The following ABCB11 variants were observed in gnomAD, a reference collection of about 807,000 sequenced individuals.
ABCB11 encodes ATP binding cassette subfamily B member 11, also known as bile salt export pump.
In ABCB11, 95 loss-of-function variants were observed where a neutral mutation model predicts 148.0. That is an observed-to-expected ratio of 0.64 (90% CI 0.54 to 0.76). ABCB11 has a LOEUF of 0.76. Ranked by LOEUF, ABCB11 falls within the 30% of genes least tolerant of loss-of-function variation. The pLI is 0.00. For synonymous variants in ABCB11, 591 were observed against 555.4 expected (o/e 1.06, Z -0.90); for missense variants, 1,523 against 1,617.8 (o/e 0.94, Z 1.01).
At chr2:168,928,477 A>C (rs6433096) in intron 25 of ABCB11, among the ~76,000 whole-genome samples, 1 of 152,140 alleles carries the variant, frequency 6.6e-6, no homozygotes, top group Non-Finnish European at 1.5e-5. Context: ...AAAAAAAAAC[A>C]TAAAAAGTGG....
intron 6 of ABCB11, among the ~76,000 whole-genome samples, chr2:168,996,046 T>C (rs1046214746): frequency 2.7e-5 from 4 of 149,748 alleles, no homozygotes; most frequent in African/African-American, 7.4e-5. Context: ...AAATGATTCA[T>C]TTCTCTTTAC....
At chr2:168,989,123 G>A (rs1183867963) in intron 9 of ABCB11, among the ~76,000 whole-genome samples, 1 of 151,918 alleles carries the variant, frequency 6.6e-6, no homozygotes, top group Non-Finnish European at 1.5e-5. Flanking sequence ...AAGCTTTTTA[G>A]TTTGATGTAA....
In ABCB11 at chr2:169,016,765, A is replaced by C; in HGVS notation, c.98+13T>G. ...CTAGAAAAGATGCTGCATTGTTGAA[A>C]TCAGTCACTTACCTTGATTTCTTAT... On this transcript the variant is annotated intron_variant, in intron 3 of 27. Coordinates refer to ENST00000650372, the MANE Select transcript of ABCB11 (RefSeq NM_003742.4). The C allele has an allele frequency of 6.3e-7, 1 of 1,596,756 alleles. No individual in the cohort carries two copies. The highest frequency in any genetic ancestry group is 8.6e-7 in the Non-Finnish European group (1 of 1,168,952).
rs760220974 is a variant in ABCB11, at chr2:168,958,118, A to G, written c.2189T>C (p.Ile730Thr). 1 of 1,610,934 alleles carries G rather than the reference A, an allele frequency of 6.2e-7. No individual in the cohort carries two copies. The highest frequency in any genetic ancestry group is 1.7e-5 in the Admixed American group (1 of 59,786). The change falls in exon 19 of 28, where the codon ATT becomes ACT. Residue 730 changes from isoleucine (I) to threonine (T), a missense_variant. By Grantham distance (89) the Ile-to-Thr change is moderately conservative (BLOSUM62 -1). Coordinates refer to ENST00000650372, the MANE Select transcript of ABCB11 (RefSeq NM_003742.4). ...TYEEDRKDKDIPVQEEVEPAP... is the reference protein window; with the variant it reads ...TYEEDRKDKDTPVQEEVEPAP... ...AGGTTCAACTTCTTCCTGCACAGGA[A>G]TGTCCTTGTCCTTGAGCAGAGAGAG... is the stretch of plus-strand genomic sequence containing the variant.
At chr2:169,005,076 G>C (rs569480183) in intron 5 of ABCB11, among the ~76,000 whole-genome samples, 2 of 152,038 alleles carry the variant, frequency 1.3e-5, no homozygotes, top group Non-Finnish European at 2.9e-5. Context: ...AGTGGGCTCC[G>C]TGAAGGTCCT....
chr2:168,968,639 G>A, intron 16 of ABCB11, 149 bp from the exon 17 acceptor site: 5 of 668,866 alleles, frequency 7.5e-6, no homozygotes, highest in Admixed American at 3.1e-5. Context: ...ATAAAACTCG[G>A]GACTTGTCCT....
intron 19 of ABCB11, among the ~76,000 whole-genome samples, chr2:168,947,002 T>C (rs1692352702): frequency 6.6e-6 from 1 of 151,856 alleles, no homozygotes; most frequent in African/African-American, 2.4e-5. Flanking sequence ...TGTATATTCT[T>C]ATTGTTGAAA....
rs184208575 is a variant in ABCB11, at chr2:169,009,730, A to T, written c.389+3542T>A. Among the ~76,000 whole-genome samples the T allele has an allele frequency of 7.2e-4, 110 of 152,010 alleles. 1 individual carries two copies. The East Asian group carries it at 0.015, about 21-fold the overall frequency. On this transcript the variant is annotated intron_variant, in intron 5 of 27. Transcript: ENST00000650372. ...GTACCCTAAAACTTAAAGTATAATT[A>T]AAAAAAAGGAAAAAAAAGAAAATGT...
intron 6 of ABCB11, among the ~76,000 whole-genome samples, chr2:168,996,070 T>C (rs563673699): frequency 2.2e-4 from 33 of 151,114 alleles, no homozygotes; most frequent in Non-Finnish European, 4.4e-4. Flanking sequence ...CAGCACTGTG[T>C]GGAATTCTTG....
At chr2:168,930,056 A>G (rs544492842) in intron 25 of ABCB11, among the ~76,000 whole-genome samples, 1 of 152,242 alleles carries the variant, frequency 6.6e-6, no homozygotes, top group Admixed American at 6.5e-5. Context: ...TTATTATTTG[A>G]TTTTGTGACC....
At chr2:168,924,916 G>A (rs772366490) in intron 26 of ABCB11, 113 bp from the exon 27 acceptor site, 30 of 832,150 alleles carry the variant, frequency 3.6e-5, no homozygotes, top group Non-Finnish European at 5.1e-5. Flanking sequence ...GTTGAACTAG[G>A]GAACAGTGAG....
rs768261137 is a variant in ABCB11, at chr2:168,958,122, C to G, written c.2185G>C (p.Asp729His). 2 of 1,610,730 alleles carry G rather than the reference C, an allele frequency of 1.2e-6. No individual in the cohort carries two copies. Among genetic ancestry groups the G allele is most frequent in the Non-Finnish European group, 1.7e-6 (2 of 1,177,882 alleles). ...TCAACTTCTTCCTGCACAGGAATGT[C>G]CTTGTCCTTGAGCAGAGAGAGGGTT... ...STYEEDRKDK[D>H]IPVQEEVEPA... Residue 729 changes from aspartate (D) to histidine (H), a missense_variant, in exon 19 of 28, where the codon GAC (aspartate) becomes CAC (histidine). Coordinates refer to ENST00000650372, the MANE Select transcript of ABCB11 (RefSeq NM_003742.4).
chr2:168,948,889 AT>A (rs1043911500), intron 19 of ABCB11, among the ~76,000 whole-genome samples: 3 of 151,656 alleles, frequency 2.0e-5, no homozygotes, highest in African/African-American at 7.3e-5. Context: ...TTTGTGGATT[AT>A]CCAGGTTTTT....
chr2:168,938,816 T>C (rs1452090536), intron 21 of ABCB11, among the ~76,000 whole-genome samples: 1 of 152,114 alleles, frequency 6.6e-6, no homozygotes, highest in East Asian at 1.9e-4. Flanking sequence ...TTTTACATTT[T>C]ATTCAATTGG....
At position 168,930,660 on chromosome 2, in the gene ABCB11, C is replaced by A; in HGVS notation, c.3411+5G>T. 6.6e-7 allele frequency: 1 copy of A among 1,509,230 alleles called. No homozygotes were observed. Among genetic ancestry groups the A allele is most frequent in the Non-Finnish European group, 8.9e-7 (1 of 1,121,398 alleles). 93.5% of individuals were successfully genotyped at this position (1,509,230 alleles called of 1,614,324 possible). Reference sequence around the variant, plus strand: ...CAAAATTCTCAAAAAGGTTGCGTGGCTTACCACCTTCCCTTGATCAGGATC... The same window carrying A: ...CAAAATTCTCAAAAAGGTTGCGTGGATTACCACCTTCCCTTGATCAGGATC... On this transcript the variant is annotated splice_donor_5th_base_variant and intron_variant, in intron 25 of 27. Coordinates refer to ENST00000650372, the MANE Select transcript of ABCB11 (RefSeq NM_003742.4).
At chr2:168,916,732 T>C (rs1041517048), downstream of ABCB11, among the ~76,000 whole-genome samples, 2 of 152,220 alleles carry the variant, frequency 1.3e-5, no homozygotes, top group African/African-American at 4.8e-5. Context: ...GACACAGTGC[T>C]CATTTTATGA....
intron 1 of ABCB11, among the ~76,000 whole-genome samples, chr2:169,025,312 T>C: frequency 6.6e-6 from 1 of 152,182 alleles, no homozygotes; most frequent in East Asian, 1.9e-4. Flanking sequence ...GGATTTATTT[T>C]AAAATCTCTC....
chr2:168,995,145 A>G (rs1694671885), intron 7 of ABCB11, among the ~76,000 whole-genome samples: 1 of 152,030 alleles, frequency 6.6e-6, no homozygotes, highest in Admixed American at 6.6e-5. Context: ...TACACACCAA[A>G]TTGCAGTACC....
At chr2:168,920,728 T>C (rs1691048513), downstream of ABCB11, among the ~76,000 whole-genome samples, 1 of 152,218 alleles carries the variant, frequency 6.6e-6, no homozygotes, top group African/African-American at 2.4e-5. Context: ...ACCAAATCTT[T>C]GTCAGCGATA....
Sources: gnomAD v4.1 joint callset for allele counts (sites outside exome capture counted in the v4.1 genomes callset) on GRCh38, gnomAD v4.1.1 for gene constraint, MANE v1.5 for transcripts, NCBI Gene and HGNC (gene_info 2026-07-23, HGNC 2026-07-21) for gene names.